Variants in NT5C3A observed in about 807,000 individuals in gnomAD.
NT5C3A encodes cytosolic 5'-nucleotidase 3A.
In NT5C3A, 23 loss-of-function variants were observed where a neutral mutation model predicts 40.0. The ratio of observed to expected loss-of-function variants is 0.58; its 90% CI spans 0.41 to 0.81. NT5C3A has a LOEUF of 0.81. Ranked by LOEUF, NT5C3A falls within the 40% of genes least tolerant of loss-of-function variation. The pLI is 0.00. For missense variants in NT5C3A, 328 were observed against 403.0 expected, an observed-to-expected ratio of 0.81 and a Z score of 1.59; for synonymous variants, 130 against 141.4, an observed-to-expected ratio of 0.92 and a Z score of 0.57.
intron 1 of NT5C3A, among the ~76,000 whole-genome samples, chr7:33,034,744 C>T (rs6462450): frequency 0.84 from 127,762 of 152,184 alleles, 54,128 homozygotes; most frequent in African/African-American, 0.96. Context: ...ATTTATTAAG[C>T]GTGACAAAAT....
chr7:33,055,570 C>T (rs557321351), intron 1 of NT5C3A, among the ~76,000 whole-genome samples: 5 of 152,242 alleles, frequency 3.3e-5, no homozygotes, highest in African/African-American at 1.2e-4. Context: ...GTATTTTCTT[C>T]CCTGATTCCA....
rs969261505 is a variant in NT5C3A at position 33,017,736 on chromosome 7, G to T, written c.531-135C>A. On this transcript the variant is annotated intron_variant, in intron 6 of 8. Coordinates refer to ENST00000610140, the MANE Select transcript of NT5C3A (RefSeq NM_001002010.5). ...TCTCATTTCAATATACTGCCCAAGA[G>T]GGCTGTTATTGATATCTACAATACT... The T allele has an allele frequency of 5.4e-6, 4 of 743,252 alleles. No individual in the cohort carries two copies. The Admixed American group carries it at 8.1e-5, about 15-fold the overall frequency. 46.0% of individuals were successfully genotyped at this position (743,252 alleles called of 1,614,324 possible). A position where few individuals can be genotyped will look rare whatever the true frequency, so the allele number is the denominator to read the frequency against.
intron 1 of NT5C3A, among the ~76,000 whole-genome samples, chr7:33,044,420 T>C (rs1396852529): frequency 2.6e-5 from 4 of 152,110 alleles, no homozygotes; most frequent in African/African-American, 7.2e-5. Context: ...ATAGAAAGGA[T>C]ATGGAAGTAC....
chr7:33,031,593 A>AAAT (rs1562593972), intron 1 of NT5C3A, among the ~76,000 whole-genome samples: 18 of 151,862 alleles, frequency 1.2e-4, no homozygotes, highest in Admixed American at 9.2e-4. Context: ...TCTCAAAAAA[A>AAAT]AAATAAATAA....
At chr7:33,035,481 G>A (rs1356158924) in intron 1 of NT5C3A, among the ~76,000 whole-genome samples, 2 of 151,908 alleles carry the variant, frequency 1.3e-5, no homozygotes, top group Admixed American at 1.3e-4. Context: ...GCACCCGGCC[G>A]GAATGAGTTA....
intron 3 of NT5C3A, 180 bp downstream of exon 3, chr7:33,023,859 T>C (rs1212730741): frequency 1.7e-6 from 1 of 586,328 alleles, no homozygotes; most frequent in East Asian, 2.9e-5. Flanking sequence ...TACATGAAAA[T>C]AACCATTTAT....
intron 1 of NT5C3A, among the ~76,000 whole-genome samples, chr7:33,030,582 A>G (rs1009300123): frequency 2.6e-5 from 4 of 152,194 alleles, no homozygotes; most frequent in Non-Finnish European, 5.9e-5. Context: ...TTGGGGAGGG[A>G]GCAATGCCTT....
chr7:33,026,797 G>T lies in NT5C3A; in HGVS notation c.237+20C>A, dbSNP rs771210313. Reference sequence around the variant, plus strand: ...GCATGAGCCAACACACACAGCCAAGGCTTCTTGATAATTATTCACCTGAAG... The same window carrying T: ...GCATGAGCCAACACACACAGCCAAGTCTTCTTGATAATTATTCACCTGAAG... On this transcript the variant is annotated intron_variant, in intron 2 of 8. Coordinates refer to ENST00000610140, the MANE Select transcript of NT5C3A (RefSeq NM_001002010.5). 5.2e-6 allele frequency: 8 copies of T among 1,527,356 alleles called. No homozygotes were observed. The highest frequency in any genetic ancestry group is 1.1e-5 in the South Asian group (1 of 89,366). 94.6% of individuals were successfully genotyped at this position (1,527,356 alleles called of 1,614,324 possible).
rs1012723829 is a variant in NT5C3A, at chr7:33,062,721, G to C, written c.-16C>G. 2.5e-5 allele frequency: 39 copies of C among 1,553,940 alleles called. No homozygotes were observed. Among genetic ancestry groups the C allele is most frequent in the Non-Finnish European group, 3.3e-5 (38 of 1,149,098 alleles). ...CGCGGTCCATGGACGGGGCCCTCAT[G>C]CGCGTCCAAGCAGGAAAAAAACAGG... On this transcript the variant is annotated 5_prime_UTR_variant, in exon 1 of 9. Transcript: ENST00000610140.
intron 1 of NT5C3A, chr7:33,029,644 G>C (rs1349231986): frequency 1.6e-6 from 2 of 1,289,612 alleles, no homozygotes; most frequent in Non-Finnish European, 2.0e-6. Context: ...GCAAATCACA[G>C]CTTCAAGTTT....
At position 33,033,877 on chromosome 7, in the gene NT5C3A, C is replaced by CAT. The variant is rs1554291562; in HGVS notation, c.139-6964_139-6963dup. 4.2e-3 allele frequency among the ~76,000 whole-genome samples: 525 copies of CAT among 125,968 alleles called. 8 individuals are homozygous for CAT. In the East Asian group the frequency reaches 0.051, roughly 12 times the overall value. 82.6% of individuals were successfully genotyped at this position (125,968 alleles called of 152,430 possible). ...GCTATAAAGTTGTCAATATAAAAGA[C>CAT]ATATATATATATATATAATTTTTTT... is the stretch of plus-strand genomic sequence containing the variant. On this transcript the variant is annotated intron_variant, in intron 1 of 8. Transcript: ENST00000610140.
intron 3 of NT5C3A, chr7:33,023,795 A>G: frequency 2.0e-6 from 1 of 502,706 alleles, no homozygotes; most frequent in East Asian, 3.5e-5. Context: ...TGAATAGACC[A>G]TATTTGGCAA....
chr7:33,025,515 C>T (rs769575694), intron 2 of NT5C3A, among the ~76,000 whole-genome samples: 3 of 152,022 alleles, frequency 2.0e-5, no homozygotes, highest in Non-Finnish European at 4.4e-5. Flanking sequence ...ACATGTAACA[C>T]ATTCCTTTAA....
At position 33,041,876 on chromosome 7, in the gene NT5C3A, A is replaced by G. The variant is rs10247806; in HGVS notation, c.139-14961T>C. On this transcript the variant is annotated intron_variant, in intron 1 of 8. Transcript: ENST00000610140. ...GTGGGAACCTTTATCATTAGGGAACATGGCTACACTACACTTATGTAAATA... is the reference window on the plus strand; with the variant it reads ...GTGGGAACCTTTATCATTAGGGAACGTGGCTACACTACACTTATGTAAATA... Among the ~76,000 whole-genome samples the G allele has an allele frequency of 2.7e-3, 410 of 152,298 alleles. 3 individuals carry two copies. Among genetic ancestry groups the G allele is most frequent in the African/African-American group, 9.5e-3 (395 of 41,552 alleles).
chr7:33,016,497 T>C (rs1204890765), intron 7 of NT5C3A, among the ~76,000 whole-genome samples: 3 of 150,104 alleles, frequency 2.0e-5, no homozygotes, highest in Non-Finnish European at 4.4e-5. Context: ...GGTGAAACCC[T>C]GTCTCTATTA....
chr7:33,056,935 C>G (rs1787593802), intron 1 of NT5C3A, among the ~76,000 whole-genome samples: 1 of 152,058 alleles, frequency 6.6e-6, no homozygotes, highest in Admixed American at 6.5e-5. Flanking sequence ...CCTCAGCCTC[C>G]CGAGTAGCTG....
chr7:33,046,918 C>T (rs1787180466), intron 1 of NT5C3A, among the ~76,000 whole-genome samples: 1 of 151,148 alleles, frequency 6.6e-6, no homozygotes, highest in Admixed American at 6.6e-5. Flanking sequence ...ATTCTACTGC[C>T]TTAGCCTCTG....
At chr7:33,061,648 C>A (rs182910877) in intron 1 of NT5C3A, among the ~76,000 whole-genome samples, 6 of 152,320 alleles carry the variant, frequency 3.9e-5, no homozygotes, top group Admixed American at 2.6e-4. Flanking sequence ...CCAAGTATTA[C>A]ACCCTAAAAT....
intron 1 of NT5C3A, among the ~76,000 whole-genome samples, chr7:33,044,768 T>C (rs1469507975): frequency 1.3e-5 from 2 of 152,172 alleles, no homozygotes; most frequent in African/African-American, 4.8e-5. Context: ...AACTAAAAAT[T>C]ATCACTTCAT....
Sources: allele counts gnomAD v4.1 joint callset (sites outside exome capture counted in the v4.1 genomes callset), GRCh38; gene constraint gnomAD v4.1.1; transcripts MANE v1.5; gene names NCBI Gene and HGNC (gene_info 2026-07-23, HGNC 2026-07-21).